SEMA4B: variants seen among roughly 807,000 people sequenced by gnomAD.
SEMA4B encodes the protein semaphorin-4B.
A neutral mutation model predicts 88.1 loss-of-function variants in SEMA4B; 55 were observed. That is an observed-to-expected ratio of 0.62 (90% confidence interval 0.50 to 0.78). The LOEUF (loss-of-function observed/expected upper bound fraction) is 0.78, where lower values mean the gene tolerates loss of function less well. Ranked by LOEUF, SEMA4B falls within the 30% of genes least tolerant of loss-of-function variation. The pLI, the probability that SEMA4B is intolerant of heterozygous loss-of-function variation, is 0.00. For synonymous variants in SEMA4B, 525 were observed against 473.6 expected, an observed-to-expected ratio of 1.11 and a Z score of -1.41; for missense variants, 1,062 against 1,111.9, an observed-to-expected ratio of 0.96 and a Z score of 0.64.
Position 90,221,415 on chromosome 15 carries a change from C to G in SEMA4B, c.644C>G (p.Pro215Arg). ...GTVSSFQGNDPAISRSQSLRP... is the reference protein window; with the variant it reads ...GTVSSFQGNDRAISRSQSLRP... ...GTCAGCAGCTTCCAAGGGAATGACCCGGCCATCTCGCGGAGCCAAAGCCTT... is the reference window on the plus strand; with the variant it reads ...GTCAGCAGCTTCCAAGGGAATGACCGGGCCATCTCGCGGAGCCAAAGCCTT... The change falls in exon 6 of 14, where the codon CCG becomes CGG. Residue 215 changes from proline to arginine, a missense_variant. By Grantham distance (103) the Pro-to-Arg change is moderately radical. Coordinates refer to ENST00000411539, the MANE Select transcript of SEMA4B (RefSeq NM_198925.4). The G allele has an allele frequency of 6.3e-7, 1 of 1,580,410 alleles. No individual in the cohort carries two copies. Among genetic ancestry groups the G allele is most frequent in the Non-Finnish European group, 8.6e-7 (1 of 1,164,076 alleles).
chr15:90,213,979 C>T (rs1961398458), intron 1 of SEMA4B, among the ~76,000 whole-genome samples: 1 of 152,164 alleles, frequency 6.6e-6, no homozygotes, highest in South Asian at 2.1e-4. Flanking sequence ...AGCCACCTGA[C>T]CCCCGTCATC....
At chr15:90,227,245 G>A (rs1339710682) in intron 12 of SEMA4B, 3 of 311,460 alleles carry the variant, frequency 9.6e-6, no homozygotes, top group African/African-American at 2.2e-5. Context: ...ATGGGGTCTC[G>A]CTATGTTGCC....
intron 1 of SEMA4B, among the ~76,000 whole-genome samples, chr15:90,207,903 A>G (rs909077014): frequency 3.3e-5 from 5 of 152,212 alleles, no homozygotes; most frequent in Non-Finnish European, 5.9e-5. Context: ...ACTGAAGGGT[A>G]GTGGGCCACA....
Position 90,220,864 on chromosome 15 carries a change from T to C in SEMA4B, c.484-118T>C, listed in dbSNP as rs74037030. ...CGTCCCTGACACCTGACCCCTTCTG[T>C]CCCACACACCTCACCTGCCTGCAGA... On this transcript the variant is annotated intron_variant, in intron 4 of 13. Coordinates refer to ENST00000411539, the MANE Select transcript of SEMA4B (RefSeq NM_198925.4). The C allele has an allele frequency of 9.7e-3, 6,636 of 683,358 alleles. 230 individuals carry two copies. The highest frequency in any genetic ancestry group is 0.085 in the African/African-American group (4,835 of 56,738). 42.3% of individuals were successfully genotyped at this position (683,358 alleles called of 1,614,324 possible).
At chr15:90,223,497 C>T (rs1961969890) in intron 7 of SEMA4B, 62 bp from the exon 8 acceptor site, 6 of 1,448,164 alleles carry the variant, frequency 4.1e-6, no homozygotes, top group Non-Finnish European at 5.5e-6. Flanking sequence ...CAGTCCTGTG[C>T]CGTGCATCCC....
In SEMA4B at chr15:90,225,148, C is replaced by A. The variant is rs1179811015; in HGVS notation, c.1375C>A (p.His459Asn). ...VAVHRVPGLHHTYDVLFLGTG... is the reference protein window; with the variant it reads ...VAVHRVPGLHNTYDVLFLGTG... ...TGTACACCGCGTCCCTGGCCTGCAC[C>A]ACACCTACGATGTCCTCTTCCTGGG... Residue 459 changes from histidine (H) to asparagine (N), a missense_variant, in exon 10 of 14, where the codon CAC becomes AAC. His to Asn is a moderately conservative substitution (Grantham distance 68). Coordinates refer to ENST00000411539, the MANE Select transcript of SEMA4B (RefSeq NM_198925.4). 19 of 1,611,352 alleles carry A rather than the reference C, an allele frequency of 1.2e-5. No homozygotes were observed. The highest frequency in any genetic ancestry group is 1.6e-5 in the Non-Finnish European group (19 of 1,178,870).
intron 1 of SEMA4B, chr15:90,190,402 GC>G (rs1960308840): frequency 6.6e-6 from 1 of 152,344 alleles, no homozygotes; most frequent in African/African-American, 2.4e-5. Flanking sequence ...ACCTGTTCCT[GC>G]CCACTCTCTG....
At chr15:90,201,290 G>T (rs958598946), upstream of SEMA4B, 2 of 1,112,794 alleles carry the variant, frequency 1.8e-6, no homozygotes, top group African/African-American at 1.6e-5. Flanking sequence ...GGGCCGGCCG[G>T]GCTCACGGCC....
chr15:90,185,880 G>C (rs1460609536), intron 1 of SEMA4B, among the ~76,000 whole-genome samples: 1 of 151,264 alleles, frequency 6.6e-6, no homozygotes, highest in African/African-American at 2.4e-5. Flanking sequence ...GAGTTAGTGG[G>C]AAGGTCAGGA....
chr15:90,217,373 G>A lies in SEMA4B; in HGVS notation c.158-66G>A. 3.3e-6 allele frequency: 5 copies of A among 1,501,926 alleles called. No individual in the cohort carries two copies. In the South Asian group the frequency reaches 5.1e-5, roughly 15 times the overall value. The allele number at this position is 1,501,926 out of a possible 1,614,324, so 93.0% of individuals were successfully genotyped here. The stretch of plus-strand genomic sequence containing the variant: ...CTTCCTTTAAACCAGTCCATCTAAA[G>A]GTTGGTGTTAAGAGGCTTCCCATGG... On this transcript the variant is annotated intron_variant, in intron 1 of 13. Coordinates refer to ENST00000411539, the MANE Select transcript of SEMA4B (RefSeq NM_198925.4).
intron 7 of SEMA4B, among the ~76,000 whole-genome samples, chr15:90,223,340 C>A (rs901769147): frequency 6.6e-6 from 1 of 152,130 alleles, no homozygotes; most frequent in African/African-American, 2.4e-5. Flanking sequence ...CAGTGAATCG[C>A]GTCCATATTT....
At chr15:90,200,877 A>G, upstream of SEMA4B, among the ~76,000 whole-genome samples, 1 of 152,204 alleles carries the variant, frequency 6.6e-6, no homozygotes, top group East Asian at 1.9e-4. Context: ...TGGACTCTCA[A>G]GCTGCTAGCC....
At chr15:90,201,012 T>C (rs1960684266), upstream of SEMA4B, among the ~76,000 whole-genome samples, 1 of 151,994 alleles carries the variant, frequency 6.6e-6, no homozygotes, top group Non-Finnish European at 1.5e-5. Flanking sequence ...GCCCCCTAAC[T>C]CCCTAGGCGC....
rs1021966868 is a variant in SEMA4B, at chr15:90,201,478, G to C, written c.-101G>C. ...CCCAGGTCCGGAGGCGGGGGCCCCC[G>C]GGGCGACTCGGGGGCGGACCGCGGG... On this transcript the variant is annotated 5_prime_UTR_variant, in exon 1 of 14. Transcript: ENST00000411539. 7.6e-7 allele frequency: 1 copy of C among 1,308,906 alleles called. No individual in the cohort carries two copies. The highest frequency in any genetic ancestry group is 9.7e-7 in the Non-Finnish European group (1 of 1,032,194). 81.1% of individuals were successfully genotyped at this position (1,308,906 alleles called of 1,614,324 possible).
intron 7 of SEMA4B, 130 bp downstream of exon 7, chr15:90,221,895 C>G (rs1961870770): frequency 8.1e-6 from 6 of 742,772 alleles, no homozygotes; most frequent in Non-Finnish European, 1.3e-5. Flanking sequence ...CAGCTTTTCT[C>G]TCTCACCTTT....
intron 1 of SEMA4B, among the ~76,000 whole-genome samples, chr15:90,215,433 C>A (rs1385583946): frequency 2.0e-5 from 3 of 152,176 alleles, no homozygotes; most frequent in East Asian, 3.8e-4. Context: ...ACCATACATA[C>A]TAAATATAAC....
chr15:90,215,093 C>G (rs1038619602), intron 1 of SEMA4B: 5 of 733,460 alleles, frequency 6.8e-6, no homozygotes, highest in Non-Finnish European at 8.9e-6. Flanking sequence ...TGAGGGTGGT[C>G]AGGGTGCTGC....
At chr15:90,196,256 A>T (rs1435276202) in intron 1 of SEMA4B, among the ~76,000 whole-genome samples, 1 of 151,982 alleles carries the variant, frequency 6.6e-6, no homozygotes, top group African/African-American at 2.4e-5. Flanking sequence ...GCATCATATC[A>T]GGAGGAAAAT....
rs1961296643 is a variant in SEMA4B at position 90,212,085 on chromosome 15, G to A, written c.158-5354G>A. Among the ~76,000 whole-genome samples the A allele has an allele frequency of 6.6e-6, 1 of 152,066 alleles. No individual in the cohort carries two copies. The highest frequency in any genetic ancestry group is 2.4e-5 in the African/African-American group (1 of 41,386). Reference sequence around the variant, plus strand: ...AGGCTTCCGGCTGAGTCACAGGGAAGGAGGACCCTTACATGGGGCTGAGGG... The same window carrying A: ...AGGCTTCCGGCTGAGTCACAGGGAAAGAGGACCCTTACATGGGGCTGAGGG... On this transcript the variant is annotated intron_variant, in intron 1 of 13. Transcript: ENST00000411539. This position sits in a 1 kb window ranked among gnomAD's most constrained non-coding sequence, Gnocchi z 4.0.
Sources: allele counts gnomAD v4.1 joint callset (sites outside exome capture counted in the v4.1 genomes callset), GRCh38; gene constraint gnomAD v4.1.1; non-coding constraint Gnocchi (gnomAD v3.1); transcripts MANE v1.5; gene names NCBI Gene and HGNC (gene_info 2026-07-23, HGNC 2026-07-21).